Variants in OTUD3 observed in about 807,000 individuals in gnomAD.
OTUD3 encodes the protein OTU deubiquitinase 3, also known as OTU domain-containing protein 3.
A neutral mutation model predicts 46.2 loss-of-function variants in OTUD3; 24 were observed. The observed-to-expected ratio is 0.52, with a 90% CI of 0.38 to 0.73. The LOEUF (loss-of-function observed/expected upper bound fraction) is 0.73, where lower values mean the gene tolerates loss of function less well. Ranked by LOEUF, OTUD3 falls within the 30% of genes least tolerant of loss-of-function variation. The pLI is 0.00. For missense variants in OTUD3, 455 were observed against 523.3 expected (o/e 0.87, Z 1.27); for synonymous variants, 189 against 195.4 (o/e 0.97, Z 0.27).
Position 19,882,567 on chromosome 1 carries a change from C to T in OTUD3, c.54C>T (p.Ala18=). Residue 18 remains alanine (A), a synonymous_variant, in exon 1 of 8, where the codon GCC becomes GCT. Transcript: ENST00000375120. ...GGCCGGGCAGCGGCAGCCGGAAAGCCGAGGCCGAGCGCAAGCGGGACGAGC... is the reference window on the plus strand; with the variant it reads ...GGCCGGGCAGCGGCAGCCGGAAAGCTGAGGCCGAGCGCAAGCGGGACGAGC... The part of the protein sequence containing the change: ...KSRPGSGSRK[A]EAERKRDERA... 2.2e-6 allele frequency: 3 copies of T among 1,384,918 alleles called. No individual in the cohort carries two copies. The African/African-American group carries it at 4.5e-5, about 21-fold the overall frequency. 85.8% of individuals were successfully genotyped at this position (1,384,918 alleles called of 1,614,324 possible). A position where few individuals can be genotyped will look rare whatever the true frequency, so the allele number is the denominator to read the frequency against.
chr1:19,907,458 T>A, intron 7 of OTUD3, 112 bp from the exon 8 acceptor site: 1 of 956,788 alleles, frequency 1.0e-6, no homozygotes, highest in Non-Finnish European at 1.6e-6. Context: ...AGATTGGTTT[T>A]CCCTGTTCCT....
At chr1:19,890,675 C>T in intron 2 of OTUD3, 142 bp downstream of exon 2, 1 of 808,800 alleles carries the variant, frequency 1.2e-6, no homozygotes, top group African/African-American at 1.7e-5. Flanking sequence ...TGTTTGCCTA[C>T]TTGGTTATCG....
rs1447519943 is a variant in OTUD3, at chr1:19,910,177, C to T, written c.*2431C>T. The T allele has an allele frequency of 6.6e-6, 1 of 152,330 alleles. No individual in the cohort carries two copies. Among genetic ancestry groups the T allele is most frequent in the African/African-American group, 2.4e-5 (1 of 41,438 alleles). The allele number at this position is 152,330 out of a possible 1,614,324, so 9.4% of individuals were successfully genotyped here. On this transcript the variant is annotated 3_prime_UTR_variant, in exon 8 of 8. Transcript: ENST00000375120. Reference sequence around the variant, plus strand: ...CTAGTCCTGGGATGACTGTTGTCAGCAGCTGTTACTCTAGTACAGGTGCTC... The same window carrying T: ...CTAGTCCTGGGATGACTGTTGTCAGTAGCTGTTACTCTAGTACAGGTGCTC...
In OTUD3 at chr1:19,882,530, C is replaced by T; in HGVS notation, c.17C>T (p.Ala6Val). 1.5e-6 allele frequency: 2 copies of T among 1,343,710 alleles called. No individual in the cohort carries two copies. Among genetic ancestry groups the T allele is most frequent in the South Asian group, 4.0e-5 (2 of 50,264 alleles). 83.2% of individuals were successfully genotyped at this position (1,343,710 alleles called of 1,614,324 possible). A position where few individuals can be genotyped will look rare whatever the true frequency, so the allele number is the denominator to read the frequency against. The change falls in exon 1 of 8, where the codon GCG (alanine) becomes GTG (valine). Residue 6 changes from alanine to valine, a missense_variant. Coordinates refer to ENST00000375120, the MANE Select transcript of OTUD3 (RefSeq NM_015207.2). ...GCTAAGGCCATGTCCCGAAAGCAGG[C>T]GGCGAAGAGCCGGCCGGGCAGCGGC... Reference protein sequence around the residue: MSRKQAAKSRPGSGSR... With the variant: MSRKQVAKSRPGSGSR...
chr1:19,886,585 A>G (rs1292391181), intron 1 of OTUD3, among the ~76,000 whole-genome samples: 1 of 152,196 alleles, frequency 6.6e-6, no homozygotes, highest in African/African-American at 2.4e-5. Context: ...TCAGAATCTT[A>G]GAGTGGGGCC....
chr1:19,895,010 A>G (rs1486701758), intron 3 of OTUD3, among the ~76,000 whole-genome samples: 4 of 152,246 alleles, frequency 2.6e-5, no homozygotes, highest in Non-Finnish European at 4.4e-5. Context: ...TCACCCAGAG[A>G]GAGGTTATTG....
intron 1 of OTUD3, 147 bp from the exon 2 acceptor site, chr1:19,890,238 C>T: frequency 2.8e-6 from 2 of 725,750 alleles, no homozygotes; most frequent in Non-Finnish European, 4.6e-6. Flanking sequence ...CCCCCGTGGT[C>T]TTGGAAGAAT....
intron 1 of OTUD3, among the ~76,000 whole-genome samples, chr1:19,883,701 G>A (rs2045312494): frequency 6.6e-6 from 1 of 151,988 alleles, no homozygotes; most frequent in African/African-American, 2.4e-5. Context: ...GGCTGGTCTC[G>A]AACTCCTGGC....
rs543972237 is a variant in OTUD3 at position 19,885,446 on chromosome 1, G to A, written c.221+2712G>A. 2.6e-5 allele frequency among the ~76,000 whole-genome samples: 4 copies of A among 152,264 alleles called. No homozygotes were observed. The South Asian group carries it at 6.2e-4, about 24-fold the overall frequency. ...TCCTGTGTATGTGATGGGTTGGCAG[G>A]TGTCAACAGATTCTTCTACCCCCCT... is the stretch of plus-strand genomic sequence containing the variant. On this transcript the variant is annotated intron_variant, in intron 1 of 7. Coordinates refer to ENST00000375120, the MANE Select transcript of OTUD3 (RefSeq NM_015207.2).
chr1:19,887,394 C>G (rs1325885037), intron 1 of OTUD3, among the ~76,000 whole-genome samples: 1 of 152,140 alleles, frequency 6.6e-6, no homozygotes, highest in Admixed American at 6.5e-5. Context: ...GATGATCTCT[C>G]ATATTTTCTT....
chr1:19,890,510 A>G lies in OTUD3; in HGVS notation c.347A>G (p.Asp116Gly). The change falls in exon 2 of 8, where the codon GAT (aspartate) becomes GGT (glycine). Residue 116 changes from aspartate to glycine, a missense_variant. Asp to Gly is a moderately conservative substitution (Grantham distance 94). Coordinates refer to ENST00000375120, the MANE Select transcript of OTUD3 (RefSeq NM_015207.2). ...QREDFEPFVE[D>G]DIPFEKHVAS... is the part of the protein sequence containing the mutation. ...GAAGATTTTGAACCCTTTGTAGAAGATGACATTCCTTTTGAGAAGCATGGT... is the reference window on the plus strand; with the variant it reads ...GAAGATTTTGAACCCTTTGTAGAAGGTGACATTCCTTTTGAGAAGCATGGT... The G allele has an allele frequency of 6.2e-7, 1 of 1,613,944 alleles. No individual in the cohort carries two copies. The highest frequency in any genetic ancestry group is 8.5e-7 in the Non-Finnish European group (1 of 1,179,806).
chr1:19,900,340 A>G (rs1557679786), intron 4 of OTUD3, among the ~76,000 whole-genome samples: 1 of 151,972 alleles, frequency 6.6e-6, no homozygotes, highest in African/African-American at 2.4e-5. Flanking sequence ...ACAGCTGTGT[A>G]CCACTATGCC....
At chr1:19,894,973 A>G (rs531039232) in intron 3 of OTUD3, among the ~76,000 whole-genome samples, 2 of 152,350 alleles carry the variant, frequency 1.3e-5, no homozygotes, top group East Asian at 3.8e-4. Flanking sequence ...AAATTTTATT[A>G]AAAATTATAT....
chr1:19,903,108 T>G (rs1256402872), intron 4 of OTUD3, among the ~76,000 whole-genome samples: 2 of 145,556 alleles, frequency 1.4e-5, no homozygotes, highest in African/African-American at 5.1e-5. Context: ...AATGCAGTGG[T>G]GTGATCTCGG....
chr1:19,907,796 T>G lies in OTUD3; in HGVS notation c.*50T>G. On this transcript the variant is annotated 3_prime_UTR_variant, in exon 8 of 8. Transcript: ENST00000375120. ...AGAAGCGGCTGGAAAAGGATTGCTG[T>G]GTGCTAGACTTTCCAGTGAGGCCGT... 5 of 1,558,450 alleles carry G rather than the reference T, an allele frequency of 3.2e-6. No individual in the cohort carries two copies. Among genetic ancestry groups the G allele is most frequent in the Non-Finnish European group, 4.4e-6 (5 of 1,138,880 alleles).
At chr1:19,897,748 A>G (rs1018100350) in intron 4 of OTUD3, 86 bp downstream of exon 4, 38 of 1,342,300 alleles carry the variant, frequency 2.8e-5, no homozygotes, top group Non-Finnish European at 3.6e-5. Context: ...AAAACCAGTA[A>G]TGTTTTTGTA....
In OTUD3 at chr1:19,889,492, T is replaced by C. The variant is rs138091157; in HGVS notation, c.222-893T>C. Among the ~76,000 whole-genome samples, 24 of 152,256 alleles carry C rather than the reference T, an allele frequency of 1.6e-4. No individual in the cohort carries two copies. In the East Asian group the frequency reaches 4.2e-3, roughly 27 times the overall value. ...GTTTTTCATTTGGAAGAGTAAACAG[T>C]TGGGTGTAAAACTGGACAACTGTTT... On this transcript the variant is annotated intron_variant, in intron 1 of 7. Transcript: ENST00000375120.
intron 3 of OTUD3, 45 bp downstream of exon 3, chr1:19,894,525 G>C (rs779067766): frequency 5.4e-6 from 5 of 923,320 alleles, no homozygotes; most frequent in Non-Finnish European, 7.9e-6. Context: ...TTATTTCTAA[G>C]TCAGCTTTGG....
intron 1 of OTUD3, among the ~76,000 whole-genome samples, 161 bp downstream of exon 1, chr1:19,882,895 A>G (rs1389978826): frequency 6.6e-6 from 1 of 152,220 alleles, no homozygotes; most frequent in Non-Finnish European, 1.5e-5. Context: ...GCTGCGAGTG[A>G]GGCGGACAAG....
Sources: allele counts gnomAD v4.1 joint callset (sites outside exome capture counted in the v4.1 genomes callset), GRCh38; gene constraint gnomAD v4.1.1; transcripts MANE v1.5; gene names NCBI Gene and HGNC (gene_info 2026-07-23, HGNC 2026-07-21).